PGCKA1: variants seen among roughly 807,000 people sequenced by gnomAD.
PGCKA1 encodes the protein PDCD10 and GCKIII kinases-associated protein 1.
the PGCKA1 span, among the ~76,000 whole-genome samples, chr4:37,467,134 C>G: frequency 6.6e-6 from 1 of 152,252 alleles, no homozygotes; most frequent in South Asian, 2.1e-4. Context: ...CAGTGCAGTA[C>G]TCTGCACTGA....
the PGCKA1 span, among the ~76,000 whole-genome samples, chr4:37,481,519 A>ATCAGCAGG: frequency 7.3e-6 from 1 of 136,864 alleles, no homozygotes; most frequent in African/African-American, 2.6e-5. Flanking sequence ...AGATCAAGGT[A>ATCAGCAGG]TCAGCAGGTT....
chr4:37,549,577 C>A, the PGCKA1 span, among the ~76,000 whole-genome samples: 1 of 152,194 alleles, frequency 6.6e-6, no homozygotes, highest in Non-Finnish European at 1.5e-5. Context: ...CAAAGGACAT[C>A]ATTAGCTAAT....
At chr4:37,539,573 G>C in the PGCKA1 span, among the ~76,000 whole-genome samples, 1 of 152,200 alleles carries the variant, frequency 6.6e-6, no homozygotes, top group African/African-American at 2.4e-5. Context: ...AGAATGGCTT[G>C]AACCTGGGAG....
the PGCKA1 span, among the ~76,000 whole-genome samples, chr4:37,479,578 A>G: frequency 1.3e-5 from 2 of 152,236 alleles, no homozygotes; most frequent in African/African-American, 4.8e-5. Context: ...TAAGGAAAGT[A>G]AAGGAAGATT....
chr4:37,477,519 C>T, the PGCKA1 span, among the ~76,000 whole-genome samples: 1 of 152,096 alleles, frequency 6.6e-6, no homozygotes. Context: ...AATTGAAATA[C>T]TTTATTTAAA....
At chr4:37,515,235 G>A in the PGCKA1 span, among the ~76,000 whole-genome samples, 1 of 152,098 alleles carries the variant, frequency 6.6e-6, no homozygotes, top group South Asian at 2.1e-4. Context: ...ACCTGGCCTT[G>A]GGTTTCAGAA....
chr4:37,514,250 C>T, the PGCKA1 span, among the ~76,000 whole-genome samples: 1 of 152,156 alleles, frequency 6.6e-6, no homozygotes, highest in Non-Finnish European at 1.5e-5. Context: ...ACCAATCCTA[C>T]CCATACGATG....
the PGCKA1 span, among the ~76,000 whole-genome samples, chr4:37,509,746 T>C: frequency 6.6e-6 from 1 of 151,304 alleles, no homozygotes; most frequent in Non-Finnish European, 1.5e-5. Flanking sequence ...AGATCACTCG[T>C]GGTTAGGAGC....
the PGCKA1 span, among the ~76,000 whole-genome samples, chr4:37,455,629 G>A: frequency 2.6e-5 from 4 of 152,186 alleles, no homozygotes; most frequent in East Asian, 7.7e-4. Flanking sequence ...GTGTTTCAAA[G>A]AGCTTTTTGG....
At chr4:37,547,406 T>C in the PGCKA1 span, among the ~76,000 whole-genome samples, 2 of 152,170 alleles carry the variant, frequency 1.3e-5, no homozygotes, top group East Asian at 3.9e-4. Context: ...GTGGTGTGAG[T>C]GTGGTATTTT....
At chr4:37,521,814 A>G in the PGCKA1 span, among the ~76,000 whole-genome samples, 1 of 152,230 alleles carries the variant, frequency 6.6e-6, no homozygotes, top group South Asian at 2.1e-4. Context: ...TTGTATTGGG[A>G]CCTATTCTTC....
chr4:37,507,629 C>CTG, the PGCKA1 span, among the ~76,000 whole-genome samples: 10 of 152,040 alleles, frequency 6.6e-5, no homozygotes, highest in African/African-American at 2.4e-4. Flanking sequence ...ATTGTGCAGT[C>CTG]TGTGGCTTGA....
At chr4:37,494,486 A>G in the PGCKA1 span, among the ~76,000 whole-genome samples, 3 of 152,326 alleles carry the variant, frequency 2.0e-5, no homozygotes, top group Admixed American at 2.0e-4. Context: ...ATAATATTCC[A>G]TAGTGTATAT....
the PGCKA1 span, among the ~76,000 whole-genome samples, chr4:37,466,155 C>T: frequency 6.6e-6 from 1 of 152,178 alleles, no homozygotes; most frequent in South Asian, 2.1e-4. Context: ...TTTGCAAACT[C>T]ATAAAGTCCT....
chr4:37,588,975 G>A, the PGCKA1 span: 2 of 1,070,300 alleles, frequency 1.9e-6, no homozygotes, highest in Non-Finnish European at 2.9e-6. Context: ...GACCATGCGT[G>A]TATTCAGTGC....
chr4:37,499,639 T>C, the PGCKA1 span, among the ~76,000 whole-genome samples: 1 of 152,188 alleles, frequency 6.6e-6, no homozygotes, highest in South Asian at 2.1e-4. Context: ...GTGTGGTCAG[T>C]GGTAATATCC....
chr4:37,537,536 A>G, the PGCKA1 span, among the ~76,000 whole-genome samples: 1 of 151,990 alleles, frequency 6.6e-6, no homozygotes, highest in Non-Finnish European at 1.5e-5. Flanking sequence ...TTTGTTATAG[A>G]AAAAAAATGA....
chr4:37,588,969 A>G, the PGCKA1 span: 2 of 1,151,644 alleles, frequency 1.7e-6, no homozygotes, highest in Non-Finnish European at 2.6e-6. Context: ...TTTAAAGACC[A>G]TGCGTGTATT....
At chr4:37,478,256 CT>C in the PGCKA1 span, among the ~76,000 whole-genome samples, 1 of 144,230 alleles carries the variant, frequency 6.9e-6, no homozygotes, top group African/African-American at 2.6e-5. Context: ...TTATGGTCTT[CT>C]TTATTATTTA....
Sources: allele counts gnomAD v4.1 joint callset (sites outside exome capture counted in the v4.1 genomes callset), GRCh38; gene constraint gnomAD v4.1.1; transcripts MANE v1.5; gene names NCBI Gene and HGNC (gene_info 2026-07-23, HGNC 2026-07-21).